The following CHSY3 variants were observed in gnomAD, a reference collection of about 807,000 sequenced individuals.
CHSY3 encodes the protein chondroitin sulfate synthase 3.
Under a neutral mutation model 67.2 loss-of-function variants are expected in CHSY3, and 35 were observed. That is an observed-to-expected ratio of 0.52 (90% CI 0.40 to 0.69). The LOEUF (loss-of-function observed/expected upper bound fraction) is 0.69. CHSY3 is among the 30% of genes least tolerant of loss of function. The pLI, the probability that CHSY3 is intolerant of heterozygous loss-of-function variation, is 0.00. For missense variants in CHSY3, 1,069 were observed against 1,138.5 expected, an observed-to-expected ratio of 0.94 and a Z score of 0.88; for synonymous variants, 474 against 434.7, an observed-to-expected ratio of 1.09 and a Z score of -1.12.
intron 2 of CHSY3, among the ~76,000 whole-genome samples, chr5:130,170,853 G>A (rs1373826950): frequency 1.3e-5 from 2 of 151,084 alleles, no homozygotes; most frequent in Non-Finnish European, 3.0e-5. Flanking sequence ...TTGTTGAGTC[G>A]TTTGAGTAAC....
chr5:129,959,726 A>G (rs1762277494), intron 2 of CHSY3, among the ~76,000 whole-genome samples: 1 of 152,130 alleles, frequency 6.6e-6, no homozygotes, highest in African/African-American at 2.4e-5. Flanking sequence ...CAGCATAGGA[A>G]AGATGCTGAG....
intron 2 of CHSY3, among the ~76,000 whole-genome samples, chr5:130,046,972 T>C (rs1211622335): frequency 1.3e-5 from 2 of 151,602 alleles, no homozygotes. Context: ...AAATTTAAAA[T>C]ATGGTATTGT....
rs143321256 is a variant in CHSY3, at chr5:130,183,332, T to C, written c.1087-897T>C. Among the ~76,000 whole-genome samples, 574 of 152,282 alleles carry C rather than the reference T, an allele frequency of 3.8e-3. 9 individuals carry two copies. Among genetic ancestry groups the C allele is most frequent in the Non-Finnish European group, 2.4e-3 (165 of 68,014 alleles). On this transcript the variant is annotated intron_variant, in intron 2 of 2. Transcript: ENST00000305031. The stretch of plus-strand genomic sequence containing the variant: ...TTGTTTCATAAGGATGTCAAGCATG[T>C]CTATTTTGGGTATGATACTTTACAT...
In CHSY3 at chr5:130,125,014, C is replaced by T. The variant is rs142326401; in HGVS notation, c.1087-59215C>T. On this transcript the variant is annotated intron_variant, in intron 2 of 2. Coordinates refer to ENST00000305031, the MANE Select transcript of CHSY3 (RefSeq NM_175856.5). ...TAGATGTATTGGCCGGGTATGATGG[C>T]TCATGCCTGTAATCCCAAGCCTTTG... Among the ~76,000 whole-genome samples, 1,490 of 152,260 alleles carry T rather than the reference C, an allele frequency of 9.8e-3. 29 individuals carry two copies. Among genetic ancestry groups the T allele is most frequent in the African/African-American group, 0.034 (1,417 of 41,546 alleles).
At position 130,185,352 on chromosome 5, in the gene CHSY3, A is replaced by C. The variant is rs1770384761; in HGVS notation, c.2210A>C (p.Gln737Pro). Residue 737 changes from glutamine (Q) to proline (P), a missense_variant, in exon 3 of 3, where the codon CAG (glutamine) becomes CCG (proline). By Grantham distance (76) the Gln-to-Pro change is moderately conservative. Coordinates refer to ENST00000305031, the MANE Select transcript of CHSY3 (RefSeq NM_175856.5). ...CAACGATGTAGAGACAATACAATTC[A>C]GGGACAACAGGTGTACTATCCCATC... ...FLQRCRDNTI[Q>P]GQQVYYPIIF... 2 of 1,604,460 alleles carry C rather than the reference A, an allele frequency of 1.2e-6. No individual in the cohort carries two copies. The highest frequency in any genetic ancestry group is 1.7e-6 in the Non-Finnish European group (2 of 1,171,122).
At chr5:130,076,213 G>T (rs75057019) in intron 2 of CHSY3, among the ~76,000 whole-genome samples, 3,436 of 152,066 alleles carry the variant, frequency 0.023, 126 homozygotes, top group African/African-American at 0.076. Flanking sequence ...TAACTAAGAT[G>T]CAGCCTTGTC....
chr5:130,048,622 T>C (rs1171860446), intron 2 of CHSY3, among the ~76,000 whole-genome samples: 1 of 152,038 alleles, frequency 6.6e-6, no homozygotes, highest in Non-Finnish European at 1.5e-5. Context: ...TCCAGATCTG[T>C]GCTAATTACT....
At chr5:130,067,162 T>C (rs1765909585) in intron 2 of CHSY3, among the ~76,000 whole-genome samples, 1 of 152,152 alleles carries the variant, frequency 6.6e-6, no homozygotes, top group Non-Finnish European at 1.5e-5. Context: ...ATTAGGACTT[T>C]CCAATAACAG....
intron 2 of CHSY3, among the ~76,000 whole-genome samples, chr5:129,952,639 G>T (rs1762055445): frequency 6.6e-6 from 1 of 152,024 alleles, no homozygotes; most frequent in Admixed American, 6.6e-5. Flanking sequence ...AATTTGCCTA[G>T]CCTGTTTCCA....
intron 2 of CHSY3, among the ~76,000 whole-genome samples, chr5:129,935,171 T>G (rs147199414): frequency 3.7e-3 from 562 of 152,326 alleles, no homozygotes; most frequent in African/African-American, 0.013. Context: ...TTCTGAAATT[T>G]TATTTTGTTT....
At chr5:130,114,500 TA>T (rs1047573829) in intron 2 of CHSY3, 18 of 152,152 alleles carry the variant, frequency 1.2e-4, no homozygotes, top group Non-Finnish European at 1.6e-4. Context: ...AGAAATGTGG[TA>T]AAAATACTTC....
intron 2 of CHSY3, among the ~76,000 whole-genome samples, chr5:130,053,555 C>T (rs1765433579): frequency 6.6e-6 from 1 of 152,034 alleles, no homozygotes; most frequent in Admixed American, 6.6e-5. Context: ...ATTGGGAGGC[C>T]AAGCTTATGA....
At chr5:130,096,850 G>T (rs373557527) in intron 2 of CHSY3, among the ~76,000 whole-genome samples, 1 of 152,190 alleles carries the variant, frequency 6.6e-6, no homozygotes, top group South Asian at 2.1e-4. Flanking sequence ...TCTGGAAGGA[G>T]TAGGAGCCCG....
chr5:129,998,215 T>C (rs1763605256), intron 2 of CHSY3, among the ~76,000 whole-genome samples: 1 of 148,844 alleles, frequency 6.7e-6, no homozygotes, highest in Admixed American at 6.8e-5. Flanking sequence ...TGTATGTGTA[T>C]AGTTAAATGA....
Position 130,173,800 on chromosome 5 carries a change from A to G in CHSY3, c.1087-10429A>G, listed in dbSNP as rs1769966013. ...GAAATATGTATGTTTATTTTCCCTCAAGTTATTTATTTTCTTTAATATTGA... is the reference window on the plus strand; with the variant it reads ...GAAATATGTATGTTTATTTTCCCTCGAGTTATTTATTTTCTTTAATATTGA... On this transcript the variant is annotated intron_variant, in intron 2 of 2. Transcript: ENST00000305031. 4.0e-5 allele frequency among the ~76,000 whole-genome samples: 6 copies of G among 151,784 alleles called. No homozygotes were observed. In the South Asian group the frequency reaches 1.2e-3, roughly 32 times the overall value.
chr5:129,912,876 T>C (rs1438671284), intron 2 of CHSY3, among the ~76,000 whole-genome samples: 1 of 152,212 alleles, frequency 6.6e-6, no homozygotes, highest in African/African-American at 2.4e-5. Flanking sequence ...CATCTTGTTT[T>C]AAGGCCATAT....
At chr5:130,028,270 A>G (rs985150708) in intron 2 of CHSY3, among the ~76,000 whole-genome samples, 10 of 152,160 alleles carry the variant, frequency 6.6e-5, no homozygotes, top group Non-Finnish European at 1.3e-4. Context: ...AAACTATACT[A>G]TGAGGCTACA....
At chr5:130,065,954 C>A (rs943324390) in intron 2 of CHSY3, among the ~76,000 whole-genome samples, 3 of 152,054 alleles carry the variant, frequency 2.0e-5, no homozygotes, top group Non-Finnish European at 4.4e-5. Flanking sequence ...ATCTCCCCAG[C>A]CTGCTTTCAG....
chr5:130,143,096 A>T (rs1470413845), intron 2 of CHSY3, among the ~76,000 whole-genome samples: 1 of 152,210 alleles, frequency 6.6e-6, no homozygotes, highest in Non-Finnish European at 1.5e-5. Context: ...TCTATTCAAA[A>T]AAATAAATCC....
Sources: allele counts gnomAD v4.1 joint callset (sites outside exome capture counted in the v4.1 genomes callset), GRCh38; gene constraint gnomAD v4.1.1; transcripts MANE v1.5; gene names NCBI Gene and HGNC (gene_info 2026-07-23, HGNC 2026-07-21).